C1QTNF7: variants seen among roughly 807,000 people sequenced by gnomAD.
C1QTNF7 encodes C1q and TNF related 7.
A neutral mutation model predicts 19.6 loss-of-function variants in C1QTNF7; 15 were observed. The observed-to-expected ratio is 0.76, with a 90% CI of 0.51 to 1.18. C1QTNF7 has a LOEUF of 1.18. C1QTNF7 is among the 50% of genes most tolerant of loss of function. C1QTNF7 has a pLI of 0.00. For missense variants in C1QTNF7, 324 were observed against 359.7 expected (o/e 0.90, Z 0.80); for synonymous variants, 142 against 137.5 (o/e 1.03, Z -0.23).
chr4:15,351,114 G>T (rs534853269), intron 1 of C1QTNF7, among the ~76,000 whole-genome samples: 1 of 152,246 alleles, frequency 6.6e-6, no homozygotes, highest in African/African-American at 2.4e-5. Flanking sequence ...ATAATATAGT[G>T]CTCTAAAAAT....
At chr4:15,357,965 CA>C (rs1230351318) in intron 1 of C1QTNF7, among the ~76,000 whole-genome samples, 1 of 152,172 alleles carries the variant, frequency 6.6e-6, no homozygotes, top group Non-Finnish European at 1.5e-5. Context: ...AGTTGTTTAT[CA>C]GCTTAAGGAG....
At chr4:15,362,829 C>T (rs559051406) in intron 1 of C1QTNF7, among the ~76,000 whole-genome samples, 4 of 152,192 alleles carry the variant, frequency 2.6e-5, no homozygotes, top group Non-Finnish European at 4.4e-5. Context: ...GTAACAAAAG[C>T]TTGCCTAATA....
In C1QTNF7 at chr4:15,442,266, G is replaced by A. The variant is rs773571400; in HGVS notation, c.337G>A (p.Gly113Arg). ...ACCCATAGGACCAGAGGGAGAGAAAGGAGAAGTAGGTCCAATTGGTCCTCC... is the reference window on the plus strand; with the variant it reads ...ACCCATAGGACCAGAGGGAGAGAAAAGAGAAGTAGGTCCAATTGGTCCTCC... ...KGPIGPEGEK[G>R]EVGPIGPPGP... The change falls in exon 3 of 3, where the codon GGA (glycine) becomes AGA (arginine). Residue 113 changes from glycine to arginine, a missense_variant. By Grantham distance (125) the Gly-to-Arg change is moderately radical (BLOSUM62 -2). Coordinates refer to ENST00000444304, the MANE Select transcript of C1QTNF7 (RefSeq NM_031911.5). 1 of 1,614,110 alleles carries A rather than the reference G, an allele frequency of 6.2e-7. No homozygotes were observed. The highest frequency in any genetic ancestry group is 8.5e-7 in the Non-Finnish European group (1 of 1,180,034).
chr4:15,401,725 G>T (rs1254583613), intron 1 of C1QTNF7, among the ~76,000 whole-genome samples: 1 of 152,100 alleles, frequency 6.6e-6, no homozygotes, highest in Admixed American at 6.5e-5. Flanking sequence ...GAAATAAGAT[G>T]AAGACCAGTT....
intron 1 of C1QTNF7, among the ~76,000 whole-genome samples, chr4:15,421,497 T>C (rs1301247229): frequency 6.6e-6 from 1 of 152,210 alleles, no homozygotes; most frequent in African/African-American, 2.4e-5. Flanking sequence ...ACCCACTTCA[T>C]ATTTACGGAG....
At chr4:15,374,561 G>T in intron 1 of C1QTNF7, 1 of 985,332 alleles carries the variant, frequency 1.0e-6, no homozygotes, top group Non-Finnish European at 1.2e-6. Flanking sequence ...TTGCACGCCG[G>T]GGTCCTTGCC....
chr4:15,373,491 C>G (rs1290574354), intron 1 of C1QTNF7, among the ~76,000 whole-genome samples: 1 of 152,220 alleles, frequency 6.6e-6, no homozygotes, highest in Non-Finnish European at 1.5e-5. Context: ...AAAGCACTAT[C>G]TTGATAAACA....
At chr4:15,424,475 T>C (rs1711946972), upstream of C1QTNF7, among the ~76,000 whole-genome samples, 1 of 152,186 alleles carries the variant, frequency 6.6e-6, no homozygotes, top group South Asian at 2.1e-4. Context: ...CCTTGGTTGA[T>C]AGCTTGCAGT....
At chr4:15,434,013 G>T (rs912503683) in intron 1 of C1QTNF7, among the ~76,000 whole-genome samples, 1 of 152,014 alleles carries the variant, frequency 6.6e-6, no homozygotes, top group Non-Finnish European at 1.5e-5. Flanking sequence ...TTCATCTGAA[G>T]CTCCTTTGGA....
In C1QTNF7 at chr4:15,445,253, T is replaced by C. The variant is rs1712948693; in HGVS notation, c.*2454T>C. The C allele has an allele frequency of 6.6e-6, 1 of 152,128 alleles. No individual in the cohort carries two copies. The highest frequency in any genetic ancestry group is 1.5e-5 in the Non-Finnish European group (1 of 68,026). The allele number at this position is 152,128 out of a possible 1,614,324, so 9.4% of individuals were successfully genotyped here. A position where few individuals can be genotyped will look rare whatever the true frequency, so the allele number is the denominator to read the frequency against. On this transcript the variant is annotated 3_prime_UTR_variant, in exon 3 of 3. Coordinates refer to ENST00000444304, the MANE Select transcript of C1QTNF7 (RefSeq NM_031911.5). ...CAGCCAAAGATAGAATTCCAAGTTA[T>C]AAAGCATAAAAAAGAGCCAACAGAA...
chr4:15,340,642 C>A (rs1399234682), intron 1 of C1QTNF7, among the ~76,000 whole-genome samples: 4 of 152,126 alleles, frequency 2.6e-5, no homozygotes, highest in Admixed American at 6.5e-5. Context: ...ATTTTAATAT[C>A]TTTCCAAAAA....
intron 1 of C1QTNF7, among the ~76,000 whole-genome samples, chr4:15,382,192 G>A (rs548654699): frequency 3.9e-5 from 6 of 152,026 alleles, no homozygotes; most frequent in East Asian, 1.9e-4. Flanking sequence ...ATCTTAACCC[G>A]TGAAGCCAGG....
chr4:15,419,764 AT>A (rs1711660122), intron 1 of C1QTNF7, among the ~76,000 whole-genome samples: 1 of 152,188 alleles, frequency 6.6e-6, no homozygotes, highest in Admixed American at 6.5e-5. Context: ...TGTATATACT[AT>A]GAATAGGAAA....
exon 1 of C1QTNF7, chr4:15,340,130 A>G: frequency 2.0e-6 from 3 of 1,526,852 alleles, no homozygotes; most frequent in South Asian, 2.4e-5. Context: ...TTAATAGTTA[A>G]CTACATTCAT....
chr4:15,395,664 C>T (rs1718755267), intron 1 of C1QTNF7, among the ~76,000 whole-genome samples: 2 of 151,938 alleles, frequency 1.3e-5, no homozygotes, highest in South Asian at 2.1e-4. Context: ...AAGGCAGGGC[C>T]GAGGGAGGGT....
intron 1 of C1QTNF7, among the ~76,000 whole-genome samples, chr4:15,389,143 C>T (rs910852635): frequency 2.0e-5 from 3 of 152,064 alleles, no homozygotes; most frequent in African/African-American, 7.2e-5. Context: ...TTTTAAGGGG[C>T]AGTAGGGATG....
At chr4:15,440,342 G>A (rs1712704567) in intron 2 of C1QTNF7, among the ~76,000 whole-genome samples, 2 of 151,380 alleles carry the variant, frequency 1.3e-5, no homozygotes, top group Admixed American at 6.6e-5. Context: ...GCATTTTAAT[G>A]AACCGGAAAC....
At chr4:15,391,557 C>A (rs961200437) in intron 1 of C1QTNF7, among the ~76,000 whole-genome samples, 1 of 152,092 alleles carries the variant, frequency 6.6e-6, no homozygotes, top group African/African-American at 2.4e-5. Context: ...CCCCAGTGAC[C>A]AATGCAAACC....
In C1QTNF7 at chr4:15,362,061, A is replaced by T. The variant is rs13435435; in HGVS notation, c.13+21854A>T. Among the ~76,000 whole-genome samples, 1,136 of 152,236 alleles carry T rather than the reference A, an allele frequency of 7.5e-3. 11 individuals are homozygous for T. The highest frequency in any genetic ancestry group is 0.026 in the African/African-American group (1,069 of 41,552). On this transcript the variant is annotated intron_variant, in intron 1 of 2. Coordinates refer to the C1QTNF7 transcript ENST00000295297. Reference sequence around the variant, plus strand: ...CCAATCCAACTGGGTGGATTTGGGCAAGTCAATTAAGCTCGCTATTCCCCA... The same window carrying T: ...CCAATCCAACTGGGTGGATTTGGGCTAGTCAATTAAGCTCGCTATTCCCCA...
Sources: gnomAD v4.1 joint callset for allele counts (sites outside exome capture counted in the v4.1 genomes callset) on GRCh38, gnomAD v4.1.1 for gene constraint, MANE v1.5 for transcripts, NCBI Gene and HGNC (gene_info 2026-07-23, HGNC 2026-07-21) for gene names.